DOCK4: variants seen among roughly 807,000 people sequenced by gnomAD.
DOCK4 encodes dedicator of cytokinesis 4.
In DOCK4, 97 loss-of-function variants were observed where a neutral mutation model predicts 268.1. That is an observed-to-expected ratio of 0.36 (90% confidence interval 0.31 to 0.43). The LOEUF (loss-of-function observed/expected upper bound fraction) is 0.43. DOCK4 is among the 20% of genes least tolerant of loss of function. The pLI is 1.00. For missense variants in DOCK4, 2,145 were observed against 2,455.7 expected, an observed-to-expected ratio of 0.87 and a Z score of 2.67; for synonymous variants, 954 against 887.2, an observed-to-expected ratio of 1.08 and a Z score of -1.34.
intron 1 of DOCK4, among the ~76,000 whole-genome samples, chr7:112,159,232 G>A (rs1315383131): frequency 1.3e-5 from 2 of 151,906 alleles, no homozygotes; most frequent in East Asian, 1.9e-4. Flanking sequence ...CTTGACTGGC[G>A]CTGCCTTTCT....
intron 1 of DOCK4, among the ~76,000 whole-genome samples, chr7:112,181,724 T>C (rs773625981): frequency 5.5e-5 from 8 of 146,146 alleles, no homozygotes; most frequent in African/African-American, 1.0e-4. Flanking sequence ...CACTGTGGAA[T>C]AGTATGCAAC....
rs1801241773 is a variant in DOCK4, at chr7:112,010,958, A to G, written c.38-6827T>C. 2.6e-5 allele frequency among the ~76,000 whole-genome samples: 4 copies of G among 152,310 alleles called. No homozygotes were observed. The South Asian group carries it at 8.3e-4, about 32-fold the overall frequency. ...GCAAAGCATGGTGGTAGGTACTGTG[A>G]TGCCCCTCCCAGATCCTTCTTTGGA... On this transcript the variant is annotated intron_variant, in intron 1 of 52. Transcript: ENST00000428084.
At chr7:112,140,697 A>G (rs1375603424) in intron 1 of DOCK4, among the ~76,000 whole-genome samples, 1 of 151,894 alleles carries the variant, frequency 6.6e-6, no homozygotes, top group Non-Finnish European at 1.5e-5. Context: ...ACACGGAAGA[A>G]TTTTTTTTCC....
At position 112,017,283 on chromosome 7, in the gene DOCK4, C is replaced by G. The variant is rs1011518359; in HGVS notation, c.38-13152G>C. On this transcript the variant is annotated intron_variant, in intron 1 of 52. Transcript: ENST00000428084. Reference sequence around the variant, plus strand: ...CTTAAAATAAGACACTGGCTTCAAACTACAGTGAGCATCTTACAAAGGATT... The same window carrying G: ...CTTAAAATAAGACACTGGCTTCAAAGTACAGTGAGCATCTTACAAAGGATT... Among the ~76,000 whole-genome samples, 8 of 152,286 alleles carry G rather than the reference C, an allele frequency of 5.3e-5. No homozygotes were observed. In the South Asian group the frequency reaches 1.4e-3, roughly 28 times the overall value.
intron 6 of DOCK4, among the ~76,000 whole-genome samples, chr7:111,987,085 A>G (rs1799110915): frequency 6.6e-6 from 1 of 152,266 alleles, no homozygotes; most frequent in Admixed American, 6.5e-5. Context: ...AAACAGTCAA[A>G]GAATTTCAAA....
At chr7:111,822,651 G>A (rs1486636890) in intron 26 of DOCK4, among the ~76,000 whole-genome samples, 195 bp from the exon 27 acceptor site, 1 of 152,034 alleles carries the variant, frequency 6.6e-6, no homozygotes, top group Admixed American at 6.6e-5. Flanking sequence ...CCACCCAAAT[G>A]TTTTCTTTTC....
chr7:111,953,771 CCTT>C (rs1367201669), intron 8 of DOCK4: 1 of 152,244 alleles, frequency 6.6e-6, no homozygotes. Flanking sequence ...TGGGCCTGCC[CCTT>C]CTTCTACCAG....
At chr7:111,946,098 A>C (rs1586459607) in intron 8 of DOCK4, among the ~76,000 whole-genome samples, 2 of 152,364 alleles carry the variant, frequency 1.3e-5, no homozygotes, top group Admixed American at 1.3e-4. Context: ...AGGTAGAAAT[A>C]AATGCACTAA....
Position 111,988,221 on chromosome 7 carries a change from A to G in DOCK4, c.464+794T>C, listed in dbSNP as rs1170651620. On this transcript the variant is annotated intron_variant, in intron 6 of 52. Coordinates refer to ENST00000428084, the MANE Select transcript of DOCK4 (RefSeq NM_001363540.2). Reference sequence around the variant, plus strand: ...AGCAAATGGGGATTTGGAGAAAGGAAAGGAAGGGAGGATAGGGCCATGTGG... The same window carrying G: ...AGCAAATGGGGATTTGGAGAAAGGAGAGGAAGGGAGGATAGGGCCATGTGG... Among the ~76,000 whole-genome samples the G allele has an allele frequency of 2.0e-5, 3 of 152,158 alleles. No homozygotes were observed. The East Asian group carries it at 5.8e-4, about 29-fold the overall frequency.
chr7:111,811,344 G>A (rs1014865466), intron 28 of DOCK4, among the ~76,000 whole-genome samples: 1 of 151,712 alleles, frequency 6.6e-6, no homozygotes, highest in Admixed American at 6.6e-5. Context: ...GATAGGCACT[G>A]CTCATCTTTG....
At chr7:112,029,878 T>G (rs1803126631) in intron 1 of DOCK4, among the ~76,000 whole-genome samples, 1 of 152,262 alleles carries the variant, frequency 6.6e-6, no homozygotes, top group South Asian at 2.1e-4. Flanking sequence ...TTCATTGTTT[T>G]TCTGAATATT....
At chr7:111,731,510 T>TGACA (rs1367299617) in intron 52 of DOCK4, among the ~76,000 whole-genome samples, 2 of 148,940 alleles carry the variant, frequency 1.3e-5, no homozygotes, top group African/African-American at 2.5e-5. Context: ...TCTCACGTAC[T>TGACA]GACAATCCTT....
intron 1 of DOCK4, among the ~76,000 whole-genome samples, chr7:112,141,019 T>C (rs1814871668): frequency 6.6e-6 from 1 of 152,142 alleles, no homozygotes; most frequent in Non-Finnish European, 1.5e-5. Flanking sequence ...AGTCTACACA[T>C]GACTATTCTC....
chr7:112,164,266 G>A lies in DOCK4; in HGVS notation c.37+41836C>T, dbSNP rs56919904. Among the ~76,000 whole-genome samples the A allele has an allele frequency of 2.0e-5, 3 of 151,898 alleles. No individual in the cohort carries two copies. In the East Asian group the frequency reaches 5.8e-4, roughly 29 times the overall value. On this transcript the variant is annotated intron_variant, in intron 1 of 52. Transcript: ENST00000428084. ...AGCCTGGGTGACAGAGTGAGACCCT[G>A]TCTCTAAAAAAAGAAAAAAGACCCT... is the stretch of plus-strand genomic sequence containing the variant.
chr7:111,979,479 ATTT>A (rs10629057), intron 7 of DOCK4, among the ~76,000 whole-genome samples: 3 of 147,310 alleles, frequency 2.0e-5, no homozygotes, highest in East Asian at 3.9e-4. Context: ...TGCTTTAACA[ATTT>A]TTTTTTTTTT....
intron 39 of DOCK4, among the ~76,000 whole-genome samples, chr7:111,761,669 T>C (rs1797416594): frequency 6.6e-6 from 1 of 151,998 alleles, no homozygotes; most frequent in Admixed American, 6.6e-5. Flanking sequence ...AAACAAGTCA[T>C]GGGCAGAGGC....
intron 1 of DOCK4, among the ~76,000 whole-genome samples, chr7:112,143,648 T>G (rs1035949499): frequency 6.6e-6 from 1 of 152,184 alleles, no homozygotes; most frequent in Non-Finnish European, 1.5e-5. Context: ...GCATCTATTC[T>G]TTGTCTTCCT....
intron 1 of DOCK4, among the ~76,000 whole-genome samples, chr7:112,007,326 T>C (rs1800942192): frequency 7.7e-6 from 1 of 129,376 alleles, no homozygotes; most frequent in South Asian, 2.6e-4. Flanking sequence ...ATGGAATGAA[T>C]GAATGAATGA....
chr7:112,165,473 T>C (rs761983468), intron 1 of DOCK4, among the ~76,000 whole-genome samples: 10 of 151,982 alleles, frequency 6.6e-5, no homozygotes, highest in Non-Finnish European at 1.0e-4. Flanking sequence ...GCTCCATTCA[T>C]GTTACTGCAA....
Sources: gnomAD v4.1 joint callset for allele counts (sites outside exome capture counted in the v4.1 genomes callset) on GRCh38, gnomAD v4.1.1 for gene constraint, MANE v1.5 for transcripts, NCBI Gene and HGNC (gene_info 2026-07-23, HGNC 2026-07-21) for gene names.